The following ZFAT variants were observed in gnomAD, a reference collection of about 807,000 sequenced individuals.
ZFAT encodes the protein zinc finger protein ZFAT.
ZFAT carries 64 observed loss-of-function variants against 117.7 expected under a neutral mutation model. That is an observed-to-expected ratio of 0.54 (90% CI 0.44 to 0.67). The LOEUF (loss-of-function observed/expected upper bound fraction) is 0.67. Ranked by LOEUF, ZFAT falls within the 30% of genes least tolerant of loss-of-function variation. The pLI, the probability that ZFAT is intolerant of heterozygous loss-of-function variation, is 0.00. For synonymous variants in ZFAT, 679 were observed against 615.0 expected (o/e 1.10, Z -1.54); for missense variants, 1,433 against 1,584.5 (o/e 0.90, Z 1.62).
At chr8:134,767,218 A>T in the ZFAT span, 1 of 152,222 alleles carries the variant, frequency 6.6e-6, no homozygotes, top group Non-Finnish European at 1.5e-5. Flanking sequence ...TTCTATACAC[A>T]TCCACTAGAT....
chr8:134,829,971 C>T, the ZFAT span, among the ~76,000 whole-genome samples: 291 of 152,154 alleles, frequency 1.9e-3, 2 homozygotes, highest in African/African-American at 6.7e-3. Context: ...TCACAATAAA[C>T]GCTCGATAAA....
At chr8:134,596,835 C>T (rs1826979712) in intron 7 of ZFAT, among the ~76,000 whole-genome samples, 1 of 151,982 alleles carries the variant, frequency 6.6e-6, no homozygotes, top group Non-Finnish European at 1.5e-5. Context: ...AAAGAACAGG[C>T]AAATCCACAG....
chr8:134,761,310 A>G, the ZFAT span, among the ~76,000 whole-genome samples: 1 of 152,140 alleles, frequency 6.6e-6, no homozygotes, highest in Non-Finnish European at 1.5e-5. Flanking sequence ...CAGAGCAAGC[A>G]TTTGTGATAC....
intron 1 of ZFAT, among the ~76,000 whole-genome samples, chr8:134,689,443 T>G (rs1833491364): frequency 6.6e-6 from 1 of 152,202 alleles, no homozygotes; most frequent in African/African-American, 2.4e-5. Context: ...GAACCTGCCC[T>G]GCATCAACAC....
At chr8:134,782,374 T>C in the ZFAT span, among the ~76,000 whole-genome samples, 1 of 152,210 alleles carries the variant, frequency 6.6e-6, no homozygotes, top group Non-Finnish European at 1.5e-5. Context: ...AATAACTAAA[T>C]CTGCCAGCAC....
intron 10 of ZFAT, among the ~76,000 whole-genome samples, chr8:134,568,793 C>T (rs1306443831): frequency 6.6e-6 from 1 of 152,216 alleles, no homozygotes; most frequent in African/African-American, 2.4e-5. Flanking sequence ...GGGAGGGCAT[C>T]TGACATAATT....
chr8:134,574,148 T>C (rs1352086440), intron 10 of ZFAT, among the ~76,000 whole-genome samples: 2 of 152,152 alleles, frequency 1.3e-5, no homozygotes, highest in African/African-American at 4.8e-5. Flanking sequence ...GGGATGTCAA[T>C]GTGGTAGGTG....
the ZFAT span, among the ~76,000 whole-genome samples, chr8:134,773,277 G>C: frequency 6.6e-6 from 1 of 152,116 alleles, no homozygotes; most frequent in South Asian, 2.1e-4. Context: ...ATGAAACCTT[G>C]ATGACAACAC....
chr8:134,487,707 C>T (rs1817750086), intron 15 of ZFAT, among the ~76,000 whole-genome samples: 1 of 152,194 alleles, frequency 6.6e-6, no homozygotes, highest in South Asian at 2.1e-4. Context: ...TCCCAAAGAT[C>T]CCTTCTTGCC....
intron 1 of ZFAT, among the ~76,000 whole-genome samples, chr8:134,684,436 C>A (rs562423041): frequency 1.1e-4 from 17 of 152,336 alleles, no homozygotes; most frequent in Admixed American, 3.3e-4. Flanking sequence ...GATCCCCAGA[C>A]AGCTTGGGCC....
the ZFAT span, among the ~76,000 whole-genome samples, chr8:134,818,369 G>C: frequency 1.3e-5 from 2 of 152,128 alleles, no homozygotes; most frequent in African/African-American, 2.4e-5. Context: ...ACATATGCAA[G>C]GATGCTAACC....
chr8:134,572,031 A>C (rs1238663514), intron 10 of ZFAT, among the ~76,000 whole-genome samples: 1 of 152,256 alleles, frequency 6.6e-6, no homozygotes, highest in Non-Finnish European at 1.5e-5. Flanking sequence ...CTGCCACATA[A>C]GTTAAAATAA....
chr8:134,624,483 C>G (rs1487060618), intron 3 of ZFAT, among the ~76,000 whole-genome samples: 1 of 151,968 alleles, frequency 6.6e-6, no homozygotes, highest in Admixed American at 6.6e-5. Flanking sequence ...TGGTGAAACC[C>G]TGCTTCTACC....
the ZFAT span, among the ~76,000 whole-genome samples, chr8:134,791,238 TG>T: frequency 6.6e-6 from 1 of 152,228 alleles, no homozygotes; most frequent in Non-Finnish European, 1.5e-5. Flanking sequence ...CCTAAAGTCT[TG>T]GGTTCAGACA....
upstream of ZFAT, among the ~76,000 whole-genome samples, chr8:134,718,015 A>G (rs1814230939): frequency 2.0e-5 from 3 of 152,128 alleles, no homozygotes; most frequent in Non-Finnish European, 4.4e-5. Flanking sequence ...TGTTTTTACA[A>G]AGTTAAGGTA....
At chr8:134,819,617 C>G in the ZFAT span, among the ~76,000 whole-genome samples, 1 of 151,002 alleles carries the variant, frequency 6.6e-6, no homozygotes, top group Non-Finnish European at 1.5e-5. Flanking sequence ...TCTCTGACTT[C>G]TTTCTGGGCT....
At chr8:134,794,688 G>A in the ZFAT span, 1 of 152,216 alleles carries the variant, frequency 6.6e-6, no homozygotes, top group African/African-American at 2.4e-5. Context: ...TTGAATGCTT[G>A]TGTAAAAAAT....
At chr8:134,544,649 A>G (rs1178211529) in intron 11 of ZFAT, among the ~76,000 whole-genome samples, 5 of 152,226 alleles carry the variant, frequency 3.3e-5, no homozygotes, top group Non-Finnish European at 5.9e-5. Context: ...ATACTTTACT[A>G]GAAGAAAAGG....
At chr8:134,805,451 C>T in the ZFAT span, among the ~76,000 whole-genome samples, 1 of 152,172 alleles carries the variant, frequency 6.6e-6, no homozygotes, top group African/African-American at 2.4e-5. Flanking sequence ...AAGAATCTAA[C>T]ACTTTCTTCC....
Sources: gnomAD v4.1 joint callset for allele counts (sites outside exome capture counted in the v4.1 genomes callset) on GRCh38, gnomAD v4.1.1 for gene constraint, MANE v1.5 for transcripts, NCBI Gene and HGNC (gene_info 2026-07-23, HGNC 2026-07-21) for gene names.